Variants in RASEF observed in about 807,000 individuals in gnomAD.
The protein encoded by RASEF is ras and EF-hand domain-containing protein.
RASEF carries 68 observed loss-of-function variants against 90.1 expected under a neutral mutation model. That is an observed-to-expected ratio of 0.75 (90% CI 0.62 to 0.92). The LOEUF (loss-of-function observed/expected upper bound fraction) is 0.92. Among genes scored for constraint, RASEF ranks in the 40% least tolerant of loss-of-function variants. RASEF has a pLI of 0.00. For synonymous variants in RASEF, 331 were observed against 345.2 expected (o/e 0.96, Z 0.46); for missense variants, 949 against 937.2 (o/e 1.01, Z -0.16).
chr9:83,078,341 AC>A, the RASEF span, among the ~76,000 whole-genome samples: 1 of 152,152 alleles, frequency 6.6e-6, no homozygotes, highest in Non-Finnish European at 1.5e-5. Flanking sequence ...AGCAAAACTT[AC>A]CTTGAGCTGT....
intron 3 of RASEF, among the ~76,000 whole-genome samples, chr9:83,018,575 T>A (rs29001503): frequency 0.5 from 75,122 of 151,600 alleles, 18,787 homozygotes; most frequent in East Asian, 0.73. Context: ...CTTTTTTTTT[T>A]AAAAGAAATT....
chr9:83,196,973 A>G, the RASEF span, among the ~76,000 whole-genome samples: 1 of 152,244 alleles, frequency 6.6e-6, no homozygotes, highest in Non-Finnish European at 1.5e-5. Flanking sequence ...TTCCCTAAAC[A>G]GAAAGAAAGA....
upstream of RASEF, among the ~76,000 whole-genome samples, chr9:83,068,052 G>T (rs1289732309): frequency 6.6e-6 from 1 of 151,952 alleles, no homozygotes; most frequent in Non-Finnish European, 1.5e-5. Flanking sequence ...AATTTTTTTT[G>T]TATTTTTTGT....
chr9:82,990,740 C>T (rs1436821895), intron 15 of RASEF, among the ~76,000 whole-genome samples: 2 of 152,098 alleles, frequency 1.3e-5, no homozygotes, highest in Admixed American at 1.3e-4. Flanking sequence ...ACAGTCAAAA[C>T]ACATGCTACC....
chr9:83,090,402 G>A, the RASEF span, among the ~76,000 whole-genome samples: 1 of 150,872 alleles, frequency 6.6e-6, no homozygotes, highest in African/African-American at 2.5e-5. Flanking sequence ...GTGTGTATGA[G>A]CCATACTTTT....
the RASEF span, among the ~76,000 whole-genome samples, chr9:83,202,679 G>A: frequency 6.6e-6 from 1 of 151,996 alleles, no homozygotes; most frequent in Non-Finnish European, 1.5e-5. Flanking sequence ...TTAATTTTTA[G>A]TAGAGATGGG....
chr9:83,066,749 T>C (rs80326161), upstream of RASEF, among the ~76,000 whole-genome samples: 1,167 of 152,372 alleles, frequency 7.7e-3, 16 homozygotes, highest in African/African-American at 0.026. Context: ...TGTGATCAGA[T>C]ACATTTGTAA....
chr9:83,198,082 T>A, the RASEF span, among the ~76,000 whole-genome samples: 1 of 152,166 alleles, frequency 6.6e-6, no homozygotes, highest in Non-Finnish European at 1.5e-5. Flanking sequence ...TAGAACAAAA[T>A]AACTTACTGG....
intron 1 of RASEF, among the ~76,000 whole-genome samples, chr9:83,039,848 T>G (rs1463043036): frequency 6.6e-6 from 1 of 152,184 alleles, no homozygotes; most frequent in Non-Finnish European, 1.5e-5. Flanking sequence ...TATCTGGAAC[T>G]ATTTCTGACA....
At chr9:83,158,877 T>C in the RASEF span, among the ~76,000 whole-genome samples, 587 of 151,830 alleles carry the variant, frequency 3.9e-3, 4 homozygotes, top group African/African-American at 0.013. Flanking sequence ...TACAAAGTTA[T>C]GCTTGAAGCT....
the RASEF span, among the ~76,000 whole-genome samples, chr9:83,185,372 T>G: frequency 6.6e-6 from 1 of 151,446 alleles, no homozygotes; most frequent in Non-Finnish European, 1.5e-5. Context: ...TTTTTAATTT[T>G]TTTGTGGAGA....
chr9:83,159,944 T>G, the RASEF span, among the ~76,000 whole-genome samples: 103 of 152,340 alleles, frequency 6.8e-4, no homozygotes, highest in African/African-American at 2.4e-3. Context: ...GGAGTTTCCC[T>G]GCACAAGCTC....
At chr9:83,060,022 C>A (rs1050339286) in intron 1 of RASEF, among the ~76,000 whole-genome samples, 2 of 152,150 alleles carry the variant, frequency 1.3e-5, no homozygotes, top group African/African-American at 4.8e-5. Flanking sequence ...TTGAAAGATT[C>A]TTTAAATGAA....
At chr9:83,145,286 A>G in the RASEF span, among the ~76,000 whole-genome samples, 1 of 152,198 alleles carries the variant, frequency 6.6e-6, no homozygotes, top group African/African-American at 2.4e-5. Flanking sequence ...TTGTACCATG[A>G]CAGAATTTCC....
At chr9:83,172,990 G>T in the RASEF span, among the ~76,000 whole-genome samples, 1 of 151,974 alleles carries the variant, frequency 6.6e-6, no homozygotes, top group Non-Finnish European at 1.5e-5. Flanking sequence ...TCTCCTGCAT[G>T]TTTGAAGTAG....
chr9:83,014,535 C>T (rs1176700411), intron 4 of RASEF, among the ~76,000 whole-genome samples: 1 of 152,070 alleles, frequency 6.6e-6, no homozygotes, highest in Non-Finnish European at 1.5e-5. Context: ...CCAGGCTGGT[C>T]TTGACCTCCT....
At chr9:83,202,283 T>G in the RASEF span, among the ~76,000 whole-genome samples, 1 of 151,988 alleles carries the variant, frequency 6.6e-6, no homozygotes, top group East Asian at 1.9e-4. Flanking sequence ...AAGACATGAG[T>G]CAAGCAGCTG....
At chr9:83,088,323 ATATATC>A in the RASEF span, among the ~76,000 whole-genome samples, 3 of 151,954 alleles carry the variant, frequency 2.0e-5, no homozygotes, top group Admixed American at 2.0e-4. Flanking sequence ...CTAGAGTTAG[ATATATC>A]TATATCTCTT....
chr9:83,154,176 G>A, the RASEF span, among the ~76,000 whole-genome samples: 1 of 152,100 alleles, frequency 6.6e-6, no homozygotes, highest in African/African-American at 2.4e-5. Context: ...GCATCAATGG[G>A]GTTCAGATTC....
Sources: gnomAD v4.1 joint callset for allele counts (sites outside exome capture counted in the v4.1 genomes callset) on GRCh38, gnomAD v4.1.1 for gene constraint, MANE v1.5 for transcripts, NCBI Gene and HGNC (gene_info 2026-07-23, HGNC 2026-07-21) for gene names.